The following AK5 variants were observed in gnomAD, a reference collection of about 807,000 sequenced individuals.
The protein encoded by AK5 is adenylate kinase 5.
In AK5, 27 loss-of-function variants were observed where a neutral mutation model predicts 69.5. The ratio of observed to expected loss-of-function variants is 0.39; its 90% CI spans 0.29 to 0.54. The LOEUF (loss-of-function observed/expected upper bound fraction) is 0.54, where lower values mean the gene tolerates loss of function less well. AK5 is among the 20% of genes least tolerant of loss of function. AK5 has a pLI of 0.71. For synonymous variants in AK5, 260 were observed against 244.4 expected (o/e 1.06, Z -0.60); for missense variants, 531 against 700.4 (o/e 0.76, Z 2.73).
chr1:77,558,570 G>GACTA lies in AK5; in HGVS notation c.1621-28_1621-25dup, dbSNP rs566827073. ...TTAAACATGATTTACAGATATTTCA[G>GACTA]ACTAACTCTCTTTTTTTCCTTTTAA... On this transcript the variant is annotated intron_variant, in intron 13 of 13. Coordinates refer to ENST00000354567, the MANE Select transcript of AK5 (RefSeq NM_174858.3). The GACTA allele has an allele frequency of 1.5e-4, 192 of 1,315,884 alleles. No individual in the cohort carries two copies. The African/African-American group carries it at 2.3e-3, about 15-fold the overall frequency. The allele number at this position is 1,315,884 out of a possible 1,614,324, so 81.5% of individuals were successfully genotyped here.
chr1:77,411,118 C>A, intron 7 of AK5, 47 bp downstream of exon 7: 1 of 1,508,404 alleles, frequency 6.6e-7, no homozygotes, highest in Non-Finnish European at 9.1e-7. Context: ...GATCACCTGC[C>A]AAATGTCTGG....
At chr1:77,543,791 G>A (rs1313614250) in intron 13 of AK5, among the ~76,000 whole-genome samples, 1 of 152,166 alleles carries the variant, frequency 6.6e-6, no homozygotes, top group African/African-American at 2.4e-5. Flanking sequence ...GTATTGGGAT[G>A]CTGGCCAGAT....
At chr1:77,497,934 T>A (rs1048550905) in intron 10 of AK5, among the ~76,000 whole-genome samples, 1 of 100,838 alleles carries the variant, frequency 9.9e-6, no homozygotes, top group African/African-American at 2.8e-5. Context: ...AGCAGTGATG[T>A]ACATTAAACA....
intron 6 of AK5, among the ~76,000 whole-genome samples, chr1:77,410,047 C>T (rs749763568): frequency 6.6e-5 from 10 of 151,610 alleles, no homozygotes; most frequent in Non-Finnish European, 1.3e-4. Flanking sequence ...TTTTTAAAAA[C>T]TAAAGGGACA....
rs140309491 is a variant in AK5 at position 77,530,657 on chromosome 1, G to T, written c.1429-5190G>T. ...TTGAAGTGAGTCAGGCGCTTTACAT[G>T]TACAAACTCATTTAACCCTCACAAT... On this transcript the variant is annotated intron_variant, in intron 12 of 13. Coordinates refer to ENST00000354567, the MANE Select transcript of AK5 (RefSeq NM_174858.3). 2.8e-3 allele frequency among the ~76,000 whole-genome samples: 431 copies of T among 152,292 alleles called. 2 individuals are homozygous for T. Among genetic ancestry groups the T allele is most frequent in the African/African-American group, 9.6e-3 (399 of 41,560 alleles).
At chr1:77,358,123 A>C (rs1253387848) in intron 6 of AK5, among the ~76,000 whole-genome samples, 1 of 151,874 alleles carries the variant, frequency 6.6e-6, no homozygotes, top group Non-Finnish European at 1.5e-5. Flanking sequence ...GAAAGTAAAA[A>C]TCACCCATTA....
chr1:77,451,043 G>A (rs1653113251), intron 8 of AK5, among the ~76,000 whole-genome samples: 1 of 151,962 alleles, frequency 6.6e-6, no homozygotes, highest in African/African-American at 2.4e-5. Context: ...AGGCATGATG[G>A]TATGTGCCTG....
At chr1:77,519,950 T>C (rs1009307969) in intron 11 of AK5, among the ~76,000 whole-genome samples, 6 of 152,198 alleles carry the variant, frequency 3.9e-5, no homozygotes, top group Admixed American at 3.9e-4. Flanking sequence ...ATGCCTGTAA[T>C]CCCAGCACTT....
chr1:77,499,732 G>A (rs1432583223), intron 10 of AK5, among the ~76,000 whole-genome samples: 3 of 152,056 alleles, frequency 2.0e-5, no homozygotes, highest in African/African-American at 7.2e-5. Flanking sequence ...ACCTGGCCGA[G>A]GCCAGCCATC....
intron 6 of AK5, among the ~76,000 whole-genome samples, chr1:77,380,545 A>C (rs147682393): frequency 3.0e-4 from 45 of 152,198 alleles, no homozygotes; most frequent in African/African-American, 1.1e-3. Context: ...CCAGTGGAAA[A>C]CTGTGAACAT....
At chr1:77,533,151 AG>A (rs749858479) in intron 12 of AK5, among the ~76,000 whole-genome samples, 18 of 152,200 alleles carry the variant, frequency 1.2e-4, no homozygotes, top group African/African-American at 2.2e-4. Flanking sequence ...GTTTTGGCAC[AG>A]GAAAATGGCT....
At chr1:77,380,938 A>G (rs1647587862) in intron 6 of AK5, among the ~76,000 whole-genome samples, 1 of 152,232 alleles carries the variant, frequency 6.6e-6, no homozygotes, top group Non-Finnish European at 1.5e-5. Flanking sequence ...AGAGTGAGGT[A>G]GGACTTTGAA....
In AK5 at chr1:77,292,130, T is replaced by C. The variant is rs76869947; in HGVS notation, c.248-1663T>C. ...GATGGAGAGAAGCATATGCATTTGG[T>C]ATATGTTTTGCAAATAAAGTCTTGT... On this transcript the variant is annotated intron_variant, in intron 2 of 13. Coordinates refer to ENST00000354567, the MANE Select transcript of AK5 (RefSeq NM_174858.3). 4.2e-3 allele frequency among the ~76,000 whole-genome samples: 641 copies of C among 152,260 alleles called. 4 individuals carry two copies. The highest frequency in any genetic ancestry group is 0.015 in the African/African-American group (631 of 41,530).
At chr1:77,304,339 A>G (rs904363875) in intron 5 of AK5, among the ~76,000 whole-genome samples, 2 of 151,946 alleles carry the variant, frequency 1.3e-5, no homozygotes, top group East Asian at 3.9e-4. Context: ...GTTGCGTATG[A>G]CAGGATCTCA....
chr1:77,526,836 T>C (rs1658320667), intron 12 of AK5, among the ~76,000 whole-genome samples: 1 of 151,836 alleles, frequency 6.6e-6, no homozygotes, highest in African/African-American at 2.4e-5. Flanking sequence ...AACCCTCAAA[T>C]GATCGAGGAC....
At chr1:77,348,417 C>T (rs1032619464) in intron 6 of AK5, among the ~76,000 whole-genome samples, 1 of 152,118 alleles carries the variant, frequency 6.6e-6, no homozygotes, top group African/African-American at 2.4e-5. Context: ...ATGAACTCAT[C>T]ATTTTTTATG....
At chr1:77,523,056 G>A (rs965240352) in intron 12 of AK5, among the ~76,000 whole-genome samples, 4 of 152,126 alleles carry the variant, frequency 2.6e-5, no homozygotes, top group Non-Finnish European at 5.9e-5. Flanking sequence ...GGGACCCATC[G>A]CCATCCACTT....
chr1:77,367,521 T>G, intron 6 of AK5, among the ~76,000 whole-genome samples: 1 of 118,668 alleles, frequency 8.4e-6, no homozygotes, highest in Non-Finnish European at 1.7e-5. Context: ...TAGAGACAGG[T>G]TTTCCCTATG....
At chr1:77,310,174 G>A (rs1009996837) in intron 5 of AK5, among the ~76,000 whole-genome samples, 3 of 152,062 alleles carry the variant, frequency 2.0e-5, no homozygotes, top group African/African-American at 7.3e-5. Flanking sequence ...GTATTCAGTG[G>A]TCCAAAGAAC....
Sources: allele counts gnomAD v4.1 joint callset (sites outside exome capture counted in the v4.1 genomes callset), GRCh38; gene constraint gnomAD v4.1.1; transcripts MANE v1.5; gene names NCBI Gene and HGNC (gene_info 2026-07-23, HGNC 2026-07-21).